CNTNAP2: variants seen among roughly 807,000 people sequenced by gnomAD.
CNTNAP2 encodes contactin associated protein 2.
A neutral mutation model predicts 155.2 loss-of-function variants in CNTNAP2; 98 were observed. That is an observed-to-expected ratio of 0.63 (90% CI 0.54 to 0.75). The LOEUF (loss-of-function observed/expected upper bound fraction) is 0.75, where lower values mean the gene tolerates loss of function less well. CNTNAP2 is among the 30% of genes least tolerant of loss of function. The pLI is 0.00. For missense variants in CNTNAP2, 1,727 were observed against 1,688.1 expected, an observed-to-expected ratio of 1.02 and a Z score of -0.40; for synonymous variants, 651 against 631.2, an observed-to-expected ratio of 1.03 and a Z score of -0.47.
At chr7:146,763,296 TTC>T (rs1442729178) in intron 1 of CNTNAP2, among the ~76,000 whole-genome samples, 1 of 152,148 alleles carries the variant, frequency 6.6e-6, no homozygotes, top group Non-Finnish European at 1.5e-5. Context: ...CTATGGCTTG[TTC>T]TCTCTTTTCC....
intron 13 of CNTNAP2, among the ~76,000 whole-genome samples, chr7:147,709,170 G>A (rs731565): frequency 0.097 from 14,761 of 152,128 alleles, 1,195 homozygotes; most frequent in Admixed American, 0.2. Context: ...CCAGGCAATG[G>A]CCGAGCAGAA....
intron 1 of CNTNAP2, among the ~76,000 whole-genome samples, chr7:146,317,876 T>G (rs566691566): frequency 9.6e-4 from 147 of 152,354 alleles, no homozygotes; most frequent in Non-Finnish European, 1.8e-3. Flanking sequence ...GCATGGCGGC[T>G]CACGCCTGTA....
chr7:146,408,005 C>T (rs1795816607), intron 1 of CNTNAP2, among the ~76,000 whole-genome samples: 1 of 152,042 alleles, frequency 6.6e-6, no homozygotes, highest in South Asian at 2.1e-4. Flanking sequence ...TGTTAACAGA[C>T]TATTATCAAC....
intron 9 of CNTNAP2, among the ~76,000 whole-genome samples, chr7:147,366,718 T>G (rs1017930804): frequency 6.6e-6 from 1 of 152,024 alleles, no homozygotes; most frequent in African/African-American, 2.4e-5. Context: ...TCTTTTGATA[T>G]CCACAATCAA....
intron 12 of CNTNAP2, among the ~76,000 whole-genome samples, chr7:147,600,198 A>T (rs190310370): frequency 3.0e-4 from 46 of 152,314 alleles, no homozygotes; most frequent in African/African-American, 9.4e-4. Flanking sequence ...ACTCCTATGG[A>T]ACTGACTGTC....
intron 12 of CNTNAP2, among the ~76,000 whole-genome samples, chr7:147,602,055 C>G (rs1418893066): frequency 6.6e-6 from 1 of 152,038 alleles, no homozygotes; most frequent in Non-Finnish European, 1.5e-5. Context: ...CAGTATCCTT[C>G]CATCAAGAGG....
chr7:148,323,213 T>C (rs1357500695), intron 21 of CNTNAP2, among the ~76,000 whole-genome samples: 1 of 151,128 alleles, frequency 6.6e-6, no homozygotes, highest in Non-Finnish European at 1.5e-5. Context: ...ACAGTCATAA[T>C]AGTGGTTCAG....
chr7:146,877,655 G>GTACATATACATATATGTA lies in CNTNAP2; in HGVS notation c.402+37760_402+37777dup, dbSNP rs1393751912. ...TGTATGTGTGTATATATGTGTATAT[G>GTACATATACATATATGTA]TACATATACATATATGTATACATAT... On this transcript the variant is annotated intron_variant, in intron 3 of 23. Transcript: ENST00000361727. 2.6e-5 allele frequency among the ~76,000 whole-genome samples: 4 copies of GTACATATACATATATGTA among 151,436 alleles called. No individual in the cohort carries two copies. The East Asian group carries it at 7.8e-4, about 29-fold the overall frequency.
intron 2 of CNTNAP2, among the ~76,000 whole-genome samples, chr7:146,808,498 G>A (rs1387765448): frequency 6.6e-6 from 1 of 152,092 alleles, no homozygotes; most frequent in Non-Finnish European, 1.5e-5. Flanking sequence ...AACTTTTTCT[G>A]AAGGAATCAC....
intron 11 of CNTNAP2, among the ~76,000 whole-genome samples, chr7:147,560,192 T>G (rs1474891688): frequency 1.3e-5 from 1 of 77,620 alleles, no homozygotes. Flanking sequence ...AAAAAAAAAA[T>G]TGAATCAGTC....
intron 10 of CNTNAP2, among the ~76,000 whole-genome samples, chr7:147,412,274 C>T (rs763599768): frequency 6.6e-5 from 10 of 152,186 alleles, no homozygotes; most frequent in Admixed American, 4.6e-4. Context: ...CCTCTAGCCA[C>T]GCTGGCCTGT....
intron 1 of CNTNAP2, among the ~76,000 whole-genome samples, chr7:146,524,443 G>T (rs1797659031): frequency 6.6e-6 from 1 of 152,008 alleles, no homozygotes; most frequent in Non-Finnish European, 1.5e-5. Context: ...ATATTGAAGA[G>T]TCTTCATTAC....
chr7:147,125,965 G>C (rs1415356480), intron 6 of CNTNAP2, among the ~76,000 whole-genome samples: 1 of 152,118 alleles, frequency 6.6e-6, no homozygotes, highest in Non-Finnish European at 1.5e-5. Context: ...CTCTATCCCT[G>C]TTGCAAATCA....
chr7:146,752,312 G>A lies in CNTNAP2; in HGVS notation c.98-21959G>A, dbSNP rs977568809. Among the ~76,000 whole-genome samples, 7 of 151,970 alleles carry A rather than the reference G, an allele frequency of 4.6e-5. No homozygotes were observed. The East Asian group carries it at 1.4e-3, about 29-fold the overall frequency. On this transcript the variant is annotated intron_variant, in intron 1 of 23. Transcript: ENST00000361727. ...ATTGTTACCTGACTTTTTAATAATT[G>A]CCATTCTGACTGGCATGAGGTGGCA...
chr7:147,094,325 T>C (rs977152571), intron 4 of CNTNAP2, among the ~76,000 whole-genome samples: 3 of 152,162 alleles, frequency 2.0e-5, no homozygotes, highest in Non-Finnish European at 4.4e-5. Flanking sequence ...CTCTCCTCTT[T>C]TCTTCTTAAG....
chr7:147,181,287 C>T (rs961368105), intron 8 of CNTNAP2, among the ~76,000 whole-genome samples: 2 of 152,156 alleles, frequency 1.3e-5, no homozygotes, highest in Non-Finnish European at 2.9e-5. Context: ...ATGGACTGAA[C>T]AGGAGAGAAT....
chr7:146,680,565 C>A (rs1463006625), intron 1 of CNTNAP2, among the ~76,000 whole-genome samples: 1 of 152,174 alleles, frequency 6.6e-6, no homozygotes, highest in Non-Finnish European at 1.5e-5. Context: ...CATTCTTAAT[C>A]TTTTACCTCA....
At chr7:146,252,960 G>A (rs1172774195) in intron 1 of CNTNAP2, among the ~76,000 whole-genome samples, 5 of 152,076 alleles carry the variant, frequency 3.3e-5, no homozygotes, top group Non-Finnish European at 7.3e-5. Flanking sequence ...TGTATTAAAT[G>A]CTCCACTCTA....
intron 19 of CNTNAP2, among the ~76,000 whole-genome samples, chr7:148,224,083 A>T (rs1029493583): frequency 6.6e-6 from 1 of 152,122 alleles, no homozygotes; most frequent in East Asian, 1.9e-4. Context: ...CTTTAAAAAA[A>T]AAAAGCTGTG....
Sources: gnomAD v4.1 joint callset for allele counts (sites outside exome capture counted in the v4.1 genomes callset) on GRCh38, gnomAD v4.1.1 for gene constraint, MANE v1.5 for transcripts, NCBI Gene and HGNC (gene_info 2026-07-23, HGNC 2026-07-21) for gene names.